The following CCDC30 variants were observed in gnomAD, a reference collection of about 807,000 sequenced individuals.
The protein encoded by CCDC30 is coiled-coil domain containing 30.
Under a neutral mutation model 100.2 loss-of-function variants are expected in CCDC30, and 70 were observed. The ratio of observed to expected loss-of-function variants is 0.70; its 90% CI spans 0.58 to 0.85. CCDC30 has a LOEUF of 0.85. Among genes scored for constraint, CCDC30 ranks in the 40% least tolerant of loss-of-function variants. The pLI, the probability that CCDC30 is intolerant of heterozygous loss-of-function variation, is 0.00. For missense variants in CCDC30, 652 were observed against 771.2 expected (o/e 0.85, Z 1.83); for synonymous variants, 233 against 269.5 (o/e 0.86, Z 1.33).
chr1:42,643,167 A>T (rs561768593), intron 13 of CCDC30, among the ~76,000 whole-genome samples: 28 of 152,338 alleles, frequency 1.8e-4, no homozygotes, highest in African/African-American at 6.7e-4. Flanking sequence ...TGTCTGAGCA[A>T]TTACTATATG....
chr1:42,533,306 C>T lies in CCDC30; in HGVS notation c.457-32990C>T, dbSNP rs140692460. On this transcript the variant is annotated intron_variant, in intron 6 of 16. Transcript: ENST00000668663. ...TAACGTCACTGGTGTTGTGGCATGC[C>T]TGGGCATGTAGTAAAAGCAGAAAGA... 5.2e-3 allele frequency among the ~76,000 whole-genome samples: 792 copies of T among 151,922 alleles called. 7 individuals are homozygous for T. The highest frequency in any genetic ancestry group is 0.018 in the African/African-American group (765 of 41,440).
At chr1:42,621,634 C>T (rs1482605396) in intron 11 of CCDC30, among the ~76,000 whole-genome samples, 2 of 152,106 alleles carry the variant, frequency 1.3e-5, no homozygotes, top group Non-Finnish European at 2.9e-5. Context: ...GCCTCAGCCT[C>T]CGGAGTAGCT....
intron 15 of CCDC30, among the ~76,000 whole-genome samples, chr1:42,649,158 A>T (rs576268296): frequency 1.3e-5 from 2 of 152,340 alleles, no homozygotes; most frequent in Non-Finnish European, 2.9e-5. Flanking sequence ...CTCTTCAAAA[A>T]AAATAAAGAG....
intron 1 of CCDC30, among the ~76,000 whole-genome samples, chr1:42,464,403 T>C (rs1643503107): frequency 6.6e-6 from 1 of 152,230 alleles, no homozygotes; most frequent in African/African-American, 2.4e-5. Context: ...TAAGACAGGA[T>C]TTCAACTTTA....
intron 10 of CCDC30, among the ~76,000 whole-genome samples, chr1:42,600,248 AC>A (rs1225789331): frequency 2.6e-5 from 4 of 152,194 alleles, no homozygotes; most frequent in Admixed American, 1.3e-4. Context: ...AGAAGAAAAA[AC>A]AATCTTTAAT....
intron 11 of CCDC30, among the ~76,000 whole-genome samples, chr1:42,611,458 A>T (rs1646621771): frequency 1.3e-5 from 2 of 151,854 alleles, no homozygotes. Context: ...TATTTTAGAG[A>T]ACTGACACAA....
intron 10 of CCDC30, among the ~76,000 whole-genome samples, chr1:42,595,897 G>A (rs766620635): frequency 1.3e-5 from 2 of 152,184 alleles, no homozygotes; most frequent in African/African-American, 4.8e-5. Context: ...TATTTGTTCC[G>A]TCTGATTATT....
At chr1:42,458,827 A>C (rs561819747), upstream of CCDC30, among the ~76,000 whole-genome samples, 46 of 152,328 alleles carry the variant, frequency 3.0e-4, no homozygotes, top group African/African-American at 1.1e-3. Context: ...GTGAAAATAA[A>C]ATCAGTTTCC....
At chr1:42,456,779 G>A in the CCDC30 span, 1 of 1,612,784 alleles carries the variant, frequency 6.2e-7, no homozygotes, top group Non-Finnish European at 8.5e-7. Flanking sequence ...CTCGGCCGAG[G>A]CCTTCCTAGC....
chr1:42,638,895 T>C (rs190892436), intron 12 of CCDC30, among the ~76,000 whole-genome samples: 12 of 149,260 alleles, frequency 8.0e-5, no homozygotes, highest in Non-Finnish European at 1.5e-4. Context: ...AATAAATAAA[T>C]AAAGAGTAAG....
At chr1:42,457,378 T>C in the CCDC30 span, 2 of 1,573,114 alleles carry the variant, frequency 1.3e-6, no homozygotes, top group Non-Finnish European at 1.8e-6. Context: ...TCCAGAGATC[T>C]AATCCCATAT....
intron 6 of CCDC30, among the ~76,000 whole-genome samples, chr1:42,521,450 A>T (rs900040190): frequency 6.6e-6 from 1 of 152,164 alleles, no homozygotes; most frequent in Non-Finnish European, 1.5e-5. Context: ...TTTAAAATCT[A>T]TTGAGACTTA....
chr1:42,621,189 T>C (rs191794090), intron 11 of CCDC30, among the ~76,000 whole-genome samples: 1 of 152,356 alleles, frequency 6.6e-6, no homozygotes, highest in Admixed American at 6.5e-5. Flanking sequence ...TGTGTATTTA[T>C]GCAGTACATG....
chr1:42,591,728 A>G (rs1475092108), intron 10 of CCDC30: 2 of 152,192 alleles, frequency 1.3e-5, no homozygotes, highest in African/African-American at 4.8e-5. Flanking sequence ...TGCCCTCCAG[A>G]CTCCAGAATG....
chr1:42,577,039 A>C, exon 8 of CCDC30: 2 of 1,613,304 alleles, frequency 1.2e-6, no homozygotes. Context: ...GAACTAAAGC[A>C]TGCCCAACAG....
intron 6 of CCDC30, among the ~76,000 whole-genome samples, chr1:42,543,098 T>C (rs12411236): frequency 0.14 from 20,694 of 151,728 alleles, 1,556 homozygotes; most frequent in East Asian, 0.19. Flanking sequence ...TTATTCCTTC[T>C]GAGTAGCTGG....
rs190951971 is a variant in CCDC30, at chr1:42,559,591, T to C, written c.457-6705T>C. On this transcript the variant is annotated intron_variant, in intron 6 of 16. Transcript: ENST00000668663. ...AAGGGAACAATTCAACAAGAAGAGC[T>C]AACTATTCTAAATATATATTCAACC... 1.3e-3 allele frequency among the ~76,000 whole-genome samples: 199 copies of C among 152,266 alleles called. 1 individual carries two copies. The highest frequency in any genetic ancestry group is 4.6e-3 in the African/African-American group (193 of 41,564).
intron 6 of CCDC30, among the ~76,000 whole-genome samples, chr1:42,548,083 G>T (rs1274258898): frequency 6.6e-6 from 1 of 152,196 alleles, no homozygotes; most frequent in East Asian, 1.9e-4. Context: ...GGCCCTAAAA[G>T]TGACCTCTAT....
chr1:42,518,504 T>G (rs763419319), intron 6 of CCDC30, among the ~76,000 whole-genome samples: 17 of 152,212 alleles, frequency 1.1e-4, no homozygotes, highest in Non-Finnish European at 2.4e-4. Flanking sequence ...TGATTAGATA[T>G]GTTTAGATAT....
Sources: gnomAD v4.1 joint callset for allele counts (sites outside exome capture counted in the v4.1 genomes callset) on GRCh38, gnomAD v4.1.1 for gene constraint, MANE v1.5 for transcripts, NCBI Gene and HGNC (gene_info 2026-07-23, HGNC 2026-07-21) for gene names.